The following FGF10 variants were observed in gnomAD, a reference collection of about 807,000 sequenced individuals.
FGF10 encodes the protein fibroblast growth factor 10.
Under a neutral mutation model 19.8 loss-of-function variants are expected in FGF10, and 2 were observed. The ratio of observed to expected loss-of-function variants is 0.10; its 90% CI spans 0.04 to 0.32. FGF10 has a LOEUF of 0.32. Among genes scored for constraint, FGF10 ranks in the 10% least tolerant of loss-of-function variants. The pLI is 1.00. For synonymous variants in FGF10, 112 were observed against 94.0 expected, an observed-to-expected ratio of 1.19 and a Z score of -1.10; for missense variants, 191 against 246.3, an observed-to-expected ratio of 0.78 and a Z score of 1.50.
chr5:44,334,249 G>T (rs558216841), intron 1 of FGF10, among the ~76,000 whole-genome samples: 1 of 151,804 alleles, frequency 6.6e-6, no homozygotes, highest in Admixed American at 6.6e-5. Flanking sequence ...CCTTGTATCC[G>T]TTCCTGTTTT....
intron 1 of FGF10, among the ~76,000 whole-genome samples, chr5:44,347,772 C>A (rs1741120809): frequency 6.6e-6 from 1 of 151,604 alleles, no homozygotes; most frequent in African/African-American, 2.4e-5. Flanking sequence ...CATCTCATGC[C>A]CTTATAGTAG....
chr5:44,356,897 T>A (rs965406522), intron 1 of FGF10, among the ~76,000 whole-genome samples: 2 of 151,324 alleles, frequency 1.3e-5, no homozygotes, highest in African/African-American at 4.8e-5. Flanking sequence ...GAAGCCAGAA[T>A]GAGGTGAGAG....
chr5:44,301,125 AT>A lies in FGF10; in HGVS notation c.*3869del, dbSNP rs796959353. On this transcript the variant is annotated 3_prime_UTR_variant, in exon 3 of 3. Coordinates refer to ENST00000264664, the MANE Select transcript of FGF10 (RefSeq NM_004465.2). Reference sequence around the variant, plus strand: ...TTCAAAGATATTCCTCTTCCTTTTTATTTTTTTTTCAGTTTAAGTTGGAAAA... The same window carrying A: ...TTCAAAGATATTCCTCTTCCTTTTTATTTTTTTTCAGTTTAAGTTGGAAAA... Among the ~76,000 whole-genome samples the A allele has an allele frequency of 7.3e-5, 11 of 149,700 alleles. No individual in the cohort carries two copies. The highest frequency in any genetic ancestry group is 1.3e-4 in the Non-Finnish European group (9 of 67,180).
chr5:44,305,636 T>A (rs912807028), intron 2 of FGF10, among the ~76,000 whole-genome samples: 11 of 152,006 alleles, frequency 7.2e-5, no homozygotes, highest in Admixed American at 1.3e-4. Flanking sequence ...GTTTGCAAAC[T>A]TTACCTACAA....
chr5:44,332,830 G>C (rs144718792), intron 1 of FGF10, among the ~76,000 whole-genome samples: 33 of 152,202 alleles, frequency 2.2e-4, no homozygotes, highest in African/African-American at 7.0e-4. Context: ...AGAAGATGCA[G>C]AGGAAGAAAA....
intron 1 of FGF10, among the ~76,000 whole-genome samples, chr5:44,352,369 C>T (rs1263034886): frequency 6.6e-6 from 1 of 151,584 alleles, no homozygotes; most frequent in African/African-American, 2.4e-5. Flanking sequence ...GACACCAATA[C>T]AGAGGTAGCA....
At chr5:44,354,449 G>C (rs1017493040) in intron 1 of FGF10, among the ~76,000 whole-genome samples, 2 of 151,370 alleles carry the variant, frequency 1.3e-5, no homozygotes, top group South Asian at 4.1e-4. Context: ...TCATACTAAA[G>C]GACAGTTATG....
chr5:44,374,367 A>G (rs920808226), intron 1 of FGF10, among the ~76,000 whole-genome samples: 2 of 152,120 alleles, frequency 1.3e-5, no homozygotes, highest in African/African-American at 2.4e-5. Context: ...CAAAAACTTT[A>G]CAAATACAGT....
chr5:44,322,521 T>C (rs1445998762), intron 1 of FGF10, among the ~76,000 whole-genome samples: 3 of 152,226 alleles, frequency 2.0e-5, no homozygotes, highest in South Asian at 2.1e-4. Flanking sequence ...CATTTATGAA[T>C]AAGCCAGGTG....
intron 1 of FGF10, among the ~76,000 whole-genome samples, chr5:44,322,149 G>T (rs1371417685): frequency 6.6e-6 from 1 of 152,144 alleles, no homozygotes; most frequent in Non-Finnish European, 1.5e-5. Context: ...CTACTCCAGA[G>T]ATTTTTAGAA....
chr5:44,304,823 A>G lies in FGF10; in HGVS notation c.*172T>C, dbSNP rs1740038009. 1 of 646,796 alleles carries G rather than the reference A, an allele frequency of 1.5e-6. No homozygotes were observed. The highest frequency in any genetic ancestry group is 1.8e-5 in the African/African-American group (1 of 55,008). 40.1% of individuals were successfully genotyped at this position (646,796 alleles called of 1,614,324 possible). A position where few individuals can be genotyped will look rare whatever the true frequency, so the allele number is the denominator to read the frequency against. On this transcript the variant is annotated 3_prime_UTR_variant, in exon 3 of 3. Coordinates refer to ENST00000264664, the MANE Select transcript of FGF10 (RefSeq NM_004465.2). ...GACATGACACAGAACTAATTAAAAG[A>G]ACATCATATGTCAGCAGTGAATACA...
At chr5:44,308,643 G>T (rs1429088052) in intron 2 of FGF10, among the ~76,000 whole-genome samples, 1 of 152,048 alleles carries the variant, frequency 6.6e-6, no homozygotes, top group Non-Finnish European at 1.5e-5. Context: ...GTTCATTAGG[G>T]GAGCAATGGT....
At chr5:44,332,067 A>G (rs1740747252) in intron 1 of FGF10, among the ~76,000 whole-genome samples, 1 of 152,154 alleles carries the variant, frequency 6.6e-6, no homozygotes, top group African/African-American at 2.4e-5. Context: ...TGTGTAAAGC[A>G]CAAGTATGAA....
chr5:44,315,178 A>T (rs569413160), intron 1 of FGF10, among the ~76,000 whole-genome samples: 7 of 59,356 alleles, frequency 1.2e-4, no homozygotes, highest in African/African-American at 7.7e-4. Flanking sequence ...AAGTAATGAC[A>T]ATACAAAAAA....
intron 1 of FGF10, among the ~76,000 whole-genome samples, chr5:44,379,830 T>A (rs191300576): frequency 1.1e-3 from 161 of 152,276 alleles, no homozygotes; most frequent in Non-Finnish European, 1.8e-3. Context: ...AAGCATCTCC[T>A]CCTCCTTTCA....
intron 1 of FGF10, among the ~76,000 whole-genome samples, chr5:44,329,364 G>A (rs769789163): frequency 2.0e-5 from 3 of 151,838 alleles, no homozygotes; most frequent in Middle Eastern, 3.2e-3. Context: ...TTTAGTAGAC[G>A]CGGGGTTTCA....
In FGF10 at chr5:44,310,452, T is replaced by C. The variant is rs746766662; in HGVS notation, c.404A>G (p.Asn135Ser). ...TGAGCCATAGAGTTTCCCCTTCTTG[T>C]TCATGGCTAAGTAATAGTTGCTGTT... Reference protein sequence around the residue: ...AINSNYYLAMNKKGKLYGSKE... With the variant: ...AINSNYYLAMSKKGKLYGSKE... Residue 135 changes from asparagine to serine, a missense_variant, in exon 2 of 3, where the codon AAC (asparagine) becomes AGC (serine). Physicochemically the swap from Asn to Ser is conservative, Grantham distance 46. Coordinates refer to ENST00000264664, the MANE Select transcript of FGF10 (RefSeq NM_004465.2). 4 of 1,611,958 alleles carry C rather than the reference T, an allele frequency of 2.5e-6. No individual in the cohort carries two copies. The highest frequency in any genetic ancestry group is 3.4e-6 in the Non-Finnish European group (4 of 1,178,568).
chr5:44,361,804 C>T (rs1472488378), intron 1 of FGF10, among the ~76,000 whole-genome samples: 4 of 151,606 alleles, frequency 2.6e-5, no homozygotes, highest in Non-Finnish European at 5.9e-5. Context: ...TTTGCCTATT[C>T]AGCAGTTTTG....
At chr5:44,326,390 C>A (rs1233561088) in intron 1 of FGF10, among the ~76,000 whole-genome samples, 2 of 151,918 alleles carry the variant, frequency 1.3e-5, no homozygotes, top group Non-Finnish European at 2.9e-5. Flanking sequence ...ATCCAACTTG[C>A]CCTTAGTTTA....
Sources: gnomAD v4.1 joint callset for allele counts (sites outside exome capture counted in the v4.1 genomes callset) on GRCh38, gnomAD v4.1.1 for gene constraint, MANE v1.5 for transcripts, NCBI Gene and HGNC (gene_info 2026-07-23, HGNC 2026-07-21) for gene names.